DLG1: variants seen among roughly 807,000 people sequenced by gnomAD.
DLG1 encodes the protein discs large MAGUK scaffold protein 1.
DLG1 carries 42 observed loss-of-function variants against 123.4 expected under a neutral mutation model. That is an observed-to-expected ratio of 0.34 (90% CI 0.27 to 0.44). The LOEUF is 0.44. DLG1 is among the 20% of genes least tolerant of loss of function. The probability of loss-of-function intolerance (pLI) is 1.00; values close to 1 mark genes in which losing one functional copy is unlikely to be tolerated. For synonymous variants in DLG1, 317 were observed against 356.2 expected (o/e 0.89, Z 1.24); for missense variants, 942 against 1,082.6 (o/e 0.87, Z 1.82).
chr3:197,044,352 C>A lies in DLG1; in HGVS notation c.*271G>T. 3.6e-6 allele frequency: 1 copy of A among 279,822 alleles called. No homozygotes were observed. Among genetic ancestry groups the A allele is most frequent in the South Asian group, 1.4e-4 (1 of 6,970 alleles). The allele number at this position is 279,822 out of a possible 1,614,324, so 17.3% of individuals were successfully genotyped here. The stretch of plus-strand genomic sequence containing the variant: ...TCCCTTAAACATTAAGGAATTTTAC[C>A]ACAATTTCTGCGTCTCCCCACGTTC... On this transcript the variant is annotated 3_prime_UTR_variant, in exon 25 of 25. Coordinates refer to ENST00000667157, the MANE Select transcript of DLG1 (RefSeq NM_001366207.1).
intron 4 of DLG1, among the ~76,000 whole-genome samples, chr3:197,258,017 CA>C (rs923931411): frequency 1.3e-5 from 2 of 152,060 alleles, no homozygotes; most frequent in African/African-American, 4.8e-5. Flanking sequence ...TGGAAAAGCA[CA>C]AAATACTGTA....
rs188599973 is a variant in DLG1, at chr3:197,237,833, C to G, written c.319-43244G>C. Among the ~76,000 whole-genome samples the G allele has an allele frequency of 3.3e-5, 5 of 152,352 alleles. No individual in the cohort carries two copies. The East Asian group carries it at 5.8e-4, about 18-fold the overall frequency. On this transcript the variant is annotated intron_variant, in intron 4 of 24. Coordinates refer to ENST00000667157, the MANE Select transcript of DLG1 (RefSeq NM_001366207.1). ...GAGGAGCAGTAATGAGGCATTCCAA[C>G]TTCTAGCCAGTATTAATGGAGAACT...
intron 13 of DLG1, among the ~76,000 whole-genome samples, chr3:197,107,994 C>A (rs1052285852): frequency 1.3e-5 from 2 of 152,018 alleles, no homozygotes; most frequent in African/African-American, 4.8e-5. Context: ...CCCTTTTATT[C>A]CTAGTCTATT....
chr3:197,075,491 G>A (rs1306142516), intron 18 of DLG1, among the ~76,000 whole-genome samples: 1 of 151,726 alleles, frequency 6.6e-6, no homozygotes, highest in African/African-American at 2.4e-5. Flanking sequence ...CTCCAAGGAA[G>A]CATATTTCTA....
chr3:197,076,514 T>C, intron 18 of DLG1, 72 bp downstream of exon 18: 1 of 1,171,426 alleles, frequency 8.5e-7, no homozygotes, highest in Non-Finnish European at 1.2e-6. Flanking sequence ...GTCTCCATGG[T>C]AACAACCAAC....
At chr3:197,116,419 CA>C (rs1203928475) in intron 12 of DLG1, among the ~76,000 whole-genome samples, 1 of 152,178 alleles carries the variant, frequency 6.6e-6, no homozygotes, top group Admixed American at 6.5e-5. Context: ...TTATTGCCTT[CA>C]AAGCAATCAC....
intron 4 of DLG1, among the ~76,000 whole-genome samples, chr3:197,262,610 G>T (rs557432699): frequency 6.6e-6 from 1 of 152,172 alleles, no homozygotes; most frequent in African/African-American, 2.4e-5. Context: ...TTGTGGGGCT[G>T]AGCCCCCAAC....
chr3:197,131,015 T>A (rs1270591931), intron 10 of DLG1, among the ~76,000 whole-genome samples: 1 of 152,196 alleles, frequency 6.6e-6, no homozygotes. Flanking sequence ...ATTTTTGTTT[T>A]TATGTTAGGA....
intron 4 of DLG1, among the ~76,000 whole-genome samples, chr3:197,253,438 A>G (rs1277560620): frequency 6.6e-6 from 1 of 152,294 alleles, no homozygotes; most frequent in East Asian, 1.9e-4. Context: ...TCATTCACAC[A>G]TTGCTGTTGG....
In DLG1 at chr3:197,184,024, G is replaced by A. The variant is rs1714236383; in HGVS notation, c.483+10401C>T. ...TGTACCTGTTAGCTGTATGATGGCTGAGTTTATTTTTGCAGACAAAAAAGA... is the reference window on the plus strand; with the variant it reads ...TGTACCTGTTAGCTGTATGATGGCTAAGTTTATTTTTGCAGACAAAAAAGA... On this transcript the variant is annotated intron_variant, in intron 5 of 24. Coordinates refer to ENST00000667157, the MANE Select transcript of DLG1 (RefSeq NM_001366207.1). 6.1e-6 allele frequency: 8 copies of A among 1,313,312 alleles called. No individual in the cohort carries two copies. The East Asian group carries it at 2.4e-4, about 39-fold the overall frequency. The allele number at this position is 1,313,312 out of a possible 1,614,324, so 81.4% of individuals were successfully genotyped here.
intron 5 of DLG1, among the ~76,000 whole-genome samples, chr3:197,178,324 C>G (rs927643834): frequency 1.3e-5 from 2 of 152,088 alleles, no homozygotes; most frequent in African/African-American, 4.8e-5. Flanking sequence ...TGGCATCAGA[C>G]TGGATACGGA....
intron 5 of DLG1, among the ~76,000 whole-genome samples, chr3:197,171,572 T>C (rs1420214068): frequency 6.6e-6 from 1 of 152,062 alleles, no homozygotes; most frequent in Admixed American, 6.6e-5. Flanking sequence ...GAAACATGAG[T>C]ACAAGTGTGT....
At position 197,246,507 on chromosome 3, in the gene DLG1, C is replaced by T. The variant is rs370742760; in HGVS notation, c.318+36172G>A. Among the ~76,000 whole-genome samples, 442 of 152,268 alleles carry T rather than the reference C, an allele frequency of 2.9e-3. 4 individuals carry two copies. The highest frequency in any genetic ancestry group is 0.01 in the African/African-American group (421 of 41,544). On this transcript the variant is annotated intron_variant, in intron 4 of 24. Coordinates refer to ENST00000667157, the MANE Select transcript of DLG1 (RefSeq NM_001366207.1). ...TAACCTGAAGGGGTGTGCTCACCAT[C>T]AAGTTTCCCCCAAAGGTTAGCTTCC...
intron 4 of DLG1, among the ~76,000 whole-genome samples, chr3:197,235,569 T>C (rs1156455734): frequency 6.6e-6 from 1 of 152,202 alleles, no homozygotes; most frequent in East Asian, 1.9e-4. Flanking sequence ...AAGGCTAAGC[T>C]GGCCTTAAAG....
At chr3:197,254,543 A>G (rs1755951190) in intron 4 of DLG1, among the ~76,000 whole-genome samples, 2 of 152,238 alleles carry the variant, frequency 1.3e-5, no homozygotes, top group African/African-American at 2.4e-5. Context: ...AGGATAACAT[A>G]AGAGGAAAAC....
chr3:197,108,090 T>C (rs116833607), intron 13 of DLG1, among the ~76,000 whole-genome samples: 5 of 152,378 alleles, frequency 3.3e-5, no homozygotes, highest in Admixed American at 6.5e-5. Flanking sequence ...ATGTCCTTTA[T>C]TAAGATGGTG....
chr3:197,058,949 T>C (rs7633561), intron 23 of DLG1, among the ~76,000 whole-genome samples: 64,452 of 152,038 alleles, frequency 0.42, 14,287 homozygotes, highest in East Asian at 0.74. Flanking sequence ...TTTTTTGAGA[T>C]GGATCTCGCT....
intron 4 of DLG1, among the ~76,000 whole-genome samples, chr3:197,256,213 T>C (rs1756809029): frequency 1.3e-5 from 2 of 152,216 alleles, no homozygotes; most frequent in Non-Finnish European, 2.9e-5. Context: ...ACATTGTCTG[T>C]AAAAGTCTAG....
At chr3:197,144,600 C>A (rs1789744676) in intron 6 of DLG1, among the ~76,000 whole-genome samples, 1 of 152,250 alleles carries the variant, frequency 6.6e-6, no homozygotes. Flanking sequence ...CCTACATAAG[C>A]TACTTTGCTT....
Sources: gnomAD v4.1 joint callset for allele counts (sites outside exome capture counted in the v4.1 genomes callset) on GRCh38, gnomAD v4.1.1 for gene constraint, MANE v1.5 for transcripts, NCBI Gene and HGNC (gene_info 2026-07-23, HGNC 2026-07-21) for gene names.